Variants in ADARB2 observed in about 807,000 individuals in gnomAD.
The protein encoded by ADARB2 is inactive double-stranded RNA-specific editase B2.
ADARB2 carries 25 observed loss-of-function variants against 62.2 expected under a neutral mutation model. The observed-to-expected ratio is 0.40, with a 90% CI of 0.29 to 0.56. The LOEUF (loss-of-function observed/expected upper bound fraction) is 0.56, where lower values mean the gene tolerates loss of function less well. Among genes scored for constraint, ADARB2 ranks in the 20% least tolerant of loss-of-function variants. ADARB2 has a pLI of 0.43. For missense variants in ADARB2, 1,071 were observed against 1,077.4 expected (o/e 0.99, Z 0.08); for synonymous variants, 572 against 500.8 (o/e 1.14, Z -1.90).
rs770438393 is a variant in ADARB2, at chr10:1,561,814, G to A, written c.100+175237C>T. 8.9e-4 allele frequency among the ~76,000 whole-genome samples: 136 copies of A among 152,182 alleles called. 3 individuals are homozygous for A. Among genetic ancestry groups the A allele is most frequent in the Non-Finnish European group, 2.1e-4 (14 of 68,024 alleles). On this transcript the variant is annotated intron_variant, in intron 1 of 9. Transcript: ENST00000381312. The stretch of plus-strand genomic sequence containing the variant: ...GATCCTCCCGATGTGGCCTAGAGCC[G>A]CTTTCCCCAGCACCGCCGCTCCCTC...
At chr10:1,651,853 G>A (rs913215092) in intron 1 of ADARB2, among the ~76,000 whole-genome samples, 2 of 151,682 alleles carry the variant, frequency 1.3e-5, no homozygotes, top group African/African-American at 4.8e-5. Context: ...ACCCCCACAC[G>A]ACCCAGGGTT....
At chr10:1,715,938 C>A (rs1281554616) in intron 1 of ADARB2, among the ~76,000 whole-genome samples, 1 of 152,224 alleles carries the variant, frequency 6.6e-6, no homozygotes, top group Non-Finnish European at 1.5e-5. Flanking sequence ...GTGCACACTT[C>A]TCGCCCGACT....
intron 3 of ADARB2, among the ~76,000 whole-genome samples, chr10:1,276,311 A>C (rs1831315952): frequency 1.3e-5 from 2 of 152,186 alleles, no homozygotes; most frequent in East Asian, 3.8e-4. Context: ...TCTTCTTTTG[A>C]GAAGTGTCTG....
At chr10:1,243,042 C>T (rs1830942838) in intron 4 of ADARB2, among the ~76,000 whole-genome samples, 1 of 152,252 alleles carries the variant, frequency 6.6e-6, no homozygotes, top group Non-Finnish European at 1.5e-5. Context: ...TTTCTCTGCA[C>T]TTAGATGGTG....
At chr10:1,280,861 A>G (rs908353057) in intron 3 of ADARB2, among the ~76,000 whole-genome samples, 2 of 152,050 alleles carry the variant, frequency 1.3e-5, no homozygotes, top group Non-Finnish European at 2.9e-5. Flanking sequence ...CCTCCCTACA[A>G]GCTGGATTCA....
chr10:1,633,580 CTAT>C (rs1833875505), intron 1 of ADARB2, among the ~76,000 whole-genome samples: 1 of 145,480 alleles, frequency 6.9e-6, no homozygotes, highest in African/African-American at 2.6e-5. Flanking sequence ...ATCTATCTAT[CTAT>C]CTATCTATCT....
At chr10:1,339,681 A>C (rs1832005203) in intron 3 of ADARB2, among the ~76,000 whole-genome samples, 1 of 152,230 alleles carries the variant, frequency 6.6e-6, no homozygotes, top group South Asian at 2.1e-4. Context: ...GCTGAGCAGC[A>C]GCGATCTGCA....
chr10:1,450,946 G>T (rs1408692669), intron 1 of ADARB2, among the ~76,000 whole-genome samples: 4 of 152,234 alleles, frequency 2.6e-5, no homozygotes, highest in Non-Finnish European at 5.9e-5. Context: ...AGTCAGATGT[G>T]CTGTCAGGGA....
At chr10:1,446,384 G>A (rs1358697052) in intron 1 of ADARB2, among the ~76,000 whole-genome samples, 1 of 152,202 alleles carries the variant, frequency 6.6e-6, no homozygotes, top group African/African-American at 2.4e-5. Context: ...TTGTACAAAT[G>A]TACAAGCTAT....
At chr10:1,443,016 A>C (rs1420497665) in intron 1 of ADARB2, among the ~76,000 whole-genome samples, 3 of 152,370 alleles carry the variant, frequency 2.0e-5, no homozygotes, top group Middle Eastern at 3.4e-3. Flanking sequence ...CTTCAGCACA[A>C]AAGACTAAAT....
intron 1 of ADARB2, among the ~76,000 whole-genome samples, chr10:1,562,501 G>A (rs1201684634): frequency 1.3e-5 from 2 of 152,210 alleles, no homozygotes; most frequent in Non-Finnish European, 2.9e-5. Flanking sequence ...TATATGCGGT[G>A]CAGTCATGAG....
At chr10:1,510,648 G>T (rs1325725416) in intron 1 of ADARB2, among the ~76,000 whole-genome samples, 1 of 152,176 alleles carries the variant, frequency 6.6e-6, no homozygotes. Context: ...TGGAGATGAA[G>T]GATAGAATCA....
At chr10:1,552,960 C>T (rs4880516) in intron 1 of ADARB2, among the ~76,000 whole-genome samples, 54,297 of 152,144 alleles carry the variant, frequency 0.36, 10,387 homozygotes, top group East Asian at 0.59. Context: ...TTGTCAGGAT[C>T]TTTGAGGCAG....
At chr10:1,284,301 G>A (rs2131806696) in intron 3 of ADARB2, among the ~76,000 whole-genome samples, 1 of 152,276 alleles carries the variant, frequency 6.6e-6, no homozygotes, top group Admixed American at 6.5e-5. Flanking sequence ...TCTTGGTGAG[G>A]ACAGTGATCC....
intron 3 of ADARB2, among the ~76,000 whole-genome samples, chr10:1,281,196 G>A (rs562005780): frequency 6.6e-4 from 100 of 152,352 alleles, no homozygotes; most frequent in African/African-American, 2.4e-3. Context: ...GATGTCACAC[G>A]TTTGGTGGGT....
chr10:1,600,924 T>C (rs1833404484), intron 1 of ADARB2, among the ~76,000 whole-genome samples: 1 of 152,106 alleles, frequency 6.6e-6, no homozygotes, highest in Non-Finnish European at 1.5e-5. Context: ...AGCACGCAGC[T>C]CCTCAAGGCA....
chr10:1,456,265 GC>G (rs1831094657), intron 1 of ADARB2, among the ~76,000 whole-genome samples: 1 of 152,182 alleles, frequency 6.6e-6, no homozygotes, highest in Non-Finnish European at 1.5e-5. Context: ...ACTGGGACCA[GC>G]AAAAGGATCT....
intron 1 of ADARB2, among the ~76,000 whole-genome samples, chr10:1,665,473 AC>A (rs1268159578): frequency 6.6e-6 from 1 of 152,214 alleles, no homozygotes; most frequent in African/African-American, 2.4e-5. Flanking sequence ...GAGGACCTCC[AC>A]GAATGCCTTC....
intron 1 of ADARB2, among the ~76,000 whole-genome samples, chr10:1,615,797 G>A (rs913303163): frequency 6.6e-6 from 1 of 152,242 alleles, no homozygotes; most frequent in African/African-American, 2.4e-5. Flanking sequence ...GGCAGGGACT[G>A]TTGTCCTGAA....
Sources: allele counts gnomAD v4.1 joint callset (sites outside exome capture counted in the v4.1 genomes callset), GRCh38; gene constraint gnomAD v4.1.1; transcripts MANE v1.5; gene names NCBI Gene and HGNC (gene_info 2026-07-23, HGNC 2026-07-21).